The following CLEC2D variants were observed in gnomAD, a reference collection of about 807,000 sequenced individuals.
CLEC2D encodes C-type lectin domain family 2 member D.
A neutral mutation model predicts 20.0 loss-of-function variants in CLEC2D; 16 were observed. The observed-to-expected ratio is 0.80, with a 90% CI of 0.54 to 1.22. The LOEUF is 1.22. Among genes scored for constraint, CLEC2D ranks in the 50% most tolerant of loss-of-function variants. CLEC2D has a pLI of 0.00. For synonymous variants in CLEC2D, 77 were observed against 71.1 expected (o/e 1.08, Z -0.42); for missense variants, 207 against 221.5 (o/e 0.93, Z 0.42).
Position 9,695,913 on chromosome 12 carries a change from A to G in CLEC2D, c.*1039A>G. ...ATGATGACGAGGAAGCTGAAGAAAA[A>G]GCGCCAGTGAAGAAATCTATACGAG... On this transcript the variant is annotated 3_prime_UTR_variant, in exon 5 of 5. Coordinates refer to ENST00000290855, the MANE Select transcript of CLEC2D (RefSeq NM_013269.6). The G allele has an allele frequency of 8.2e-7, 1 of 1,217,778 alleles. No individual in the cohort carries two copies. The highest frequency in any genetic ancestry group is 1.5e-5 in the African/African-American group (1 of 67,430). 75.4% of individuals were successfully genotyped at this position (1,217,778 alleles called of 1,614,324 possible).
intron 1 of CLEC2D, among the ~76,000 whole-genome samples, chr12:9,672,645 C>T (rs984751422): frequency 3.3e-5 from 5 of 152,120 alleles, no homozygotes; most frequent in African/African-American, 1.2e-4. Context: ...GGATTATATC[C>T]TGAAGTGTGT....
chr12:9,684,573 G>A (rs1427913758), intron 2 of CLEC2D, among the ~76,000 whole-genome samples: 1 of 152,144 alleles, frequency 6.6e-6, no homozygotes, highest in African/African-American at 2.4e-5. Context: ...CTAGTCTATT[G>A]TGTGTTTTTA....
rs1184126302 is a variant in CLEC2D at position 9,695,886 on chromosome 12, TGATGATGAC to T, written c.*1015_*1023del. On this transcript the variant is annotated 3_prime_UTR_variant, in exon 5 of 5. Transcript: ENST00000290855. ...ATGATGATGATGAAGATGATGATGA[TGATGATGAC>T]GAGGAAGCTGAAGAAAAAGCGCCAG... 9.2e-7 allele frequency: 1 copy of T among 1,089,144 alleles called. No individual in the cohort carries two copies. Among genetic ancestry groups the T allele is most frequent in the African/African-American group, 1.5e-5 (1 of 64,870 alleles). The allele number at this position is 1,089,144 out of a possible 1,614,324, so 67.5% of individuals were successfully genotyped here. A position where few individuals can be genotyped will look rare whatever the true frequency, so the allele number is the denominator to read the frequency against.
At position 9,680,976 on chromosome 12, in the gene CLEC2D, T is replaced by C; in HGVS notation, c.115T>C (p.Phe39Leu). The change falls in exon 2 of 5, where the codon TTT (phenylalanine) becomes CTT (leucine). Residue 39 changes from phenylalanine to leucine, a missense_variant. Physicochemically the swap from Phe to Leu is conservative, Grantham distance 22 (BLOSUM62 0). Coordinates refer to ENST00000290855, the MANE Select transcript of CLEC2D (RefSeq NM_013269.6). ...TAAAGCTACCTTAATTTGGCGCTTA[T>C]TTTTCTTAATCATGTTTCTGACAAT... Reference protein sequence around the residue: ...SIKATLIWRLFFLIMFLTIIV... With the variant: ...SIKATLIWRLLFLIMFLTIIV... The C allele has an allele frequency of 6.2e-7, 1 of 1,606,862 alleles. No individual in the cohort carries two copies. The highest frequency in any genetic ancestry group is 8.5e-7 in the Non-Finnish European group (1 of 1,174,578).
At chr12:9,684,241 G>C (rs1053429942) in intron 2 of CLEC2D, among the ~76,000 whole-genome samples, 5 of 152,210 alleles carry the variant, frequency 3.3e-5, no homozygotes, top group African/African-American at 1.2e-4. Context: ...CTGAGAATTT[G>C]CTGAAGTTGC....
At chr12:9,680,686 C>T (rs890976686) in intron 1 of CLEC2D, among the ~76,000 whole-genome samples, 3 of 152,150 alleles carry the variant, frequency 2.0e-5, no homozygotes, top group Admixed American at 6.5e-5. Flanking sequence ...ACATGAATCT[C>T]TCCAATTGAA....
chr12:9,675,878 A>G (rs1865511869), intron 1 of CLEC2D, among the ~76,000 whole-genome samples: 1 of 152,184 alleles, frequency 6.6e-6, no homozygotes, highest in South Asian at 2.1e-4. Flanking sequence ...ATACCTAAGT[A>G]TTTTATTTTT....
chr12:9,680,604 A>G (rs766656449), intron 1 of CLEC2D, among the ~76,000 whole-genome samples: 1 of 152,288 alleles, frequency 6.6e-6, no homozygotes, highest in South Asian at 2.1e-4. Flanking sequence ...TTTAGACAGG[A>G]ATCAGAATAA....
intron 4 of CLEC2D, 55 bp from the exon 5 acceptor site, chr12:9,694,705 C>A: frequency 1.1e-6 from 1 of 909,380 alleles, no homozygotes; most frequent in Non-Finnish European, 1.9e-6. Flanking sequence ...TCTTCATTCT[C>A]TCTGCTGTTG....
intron 1 of CLEC2D, chr12:9,680,212 T>C (rs761778574): frequency 1.2e-5 from 4 of 340,874 alleles, no homozygotes; most frequent in Non-Finnish European, 2.5e-5. Flanking sequence ...CCTGCTGCCA[T>C]GTGAAGAAGA....
At chr12:9,681,623 C>G (rs1293248787) in intron 2 of CLEC2D, among the ~76,000 whole-genome samples, 1 of 152,018 alleles carries the variant, frequency 6.6e-6, no homozygotes, top group African/African-American at 2.4e-5. Flanking sequence ...ATAGACCAAG[C>G]GAAGACATAG....
chr12:9,669,740 T>G lies in CLEC2D; in HGVS notation c.6T>G (p.His2Gln). ...TCATAGAAACTGGAGGCAAAATGCA[T>G]GACAGTAACAATGTGGAGAAAGACA... is the stretch of plus-strand genomic sequence containing the variant. M[H>Q]DSNNVEKDIT... is the part of the protein sequence containing the mutation. Residue 2 changes from histidine (H) to glutamine (Q), a missense_variant, in exon 1 of 5, where the codon CAT becomes CAG. Coordinates refer to ENST00000290855, the MANE Select transcript of CLEC2D (RefSeq NM_013269.6). 6.2e-7 allele frequency: 1 copy of G among 1,613,456 alleles called. No homozygotes were observed. Among genetic ancestry groups the G allele is most frequent in the Non-Finnish European group, 8.5e-7 (1 of 1,179,462 alleles).
chr12:9,693,079 TTC>T, intron 4 of CLEC2D, 148 bp downstream of exon 4: 5 of 1,613,914 alleles, frequency 3.1e-6, no homozygotes, highest in Non-Finnish European at 4.2e-6. Context: ...TTGCAAAGGT[TTC>T]ACAAGTTCCT....
intron 3 of CLEC2D, among the ~76,000 whole-genome samples, chr12:9,690,391 A>G (rs2120967362): frequency 6.6e-6 from 1 of 152,238 alleles, no homozygotes; most frequent in Non-Finnish European, 1.5e-5. Context: ...AACTGAAAGT[A>G]CACTAGACAG....
In CLEC2D at chr12:9,695,044, T is replaced by C; in HGVS notation, c.*170T>C. The C allele has an allele frequency of 1.7e-6, 1 of 593,042 alleles. No individual in the cohort carries two copies. The highest frequency in any genetic ancestry group is 3.0e-6 in the Non-Finnish European group (1 of 332,536). 36.7% of individuals were successfully genotyped at this position (593,042 alleles called of 1,614,324 possible). A position where few individuals can be genotyped will look rare whatever the true frequency, so the allele number is the denominator to read the frequency against. On this transcript the variant is annotated 3_prime_UTR_variant, in exon 5 of 5. Coordinates refer to ENST00000290855, the MANE Select transcript of CLEC2D (RefSeq NM_013269.6). Reference sequence around the variant, plus strand: ...AAAATCATAGTAAAATATTACCTGTTTTCATGGTGCTAATATTACCTGTTC... The same window carrying C: ...AAAATCATAGTAAAATATTACCTGTCTTCATGGTGCTAATATTACCTGTTC...
At chr12:9,676,894 C>T (rs1319201895) in intron 1 of CLEC2D, among the ~76,000 whole-genome samples, 1 of 152,102 alleles carries the variant, frequency 6.6e-6, no homozygotes, top group African/African-American at 2.4e-5. Flanking sequence ...CAAATTATGT[C>T]TCTCAAGTGA....
chr12:9,688,899 T>C (rs1258478530), intron 3 of CLEC2D, among the ~76,000 whole-genome samples: 1 of 152,178 alleles, frequency 6.6e-6, no homozygotes, highest in Non-Finnish European at 1.5e-5. Context: ...AGGGAAGAGT[T>C]TGATAAAGAG....
rs1268856879 is a variant in CLEC2D at position 9,697,005 on chromosome 12, A to G, written c.*2131A>G. On this transcript the variant is annotated 3_prime_UTR_variant, in exon 5 of 5. Transcript: ENST00000290855. ...TGAATGGATAAAGAAATTGTCATAT[A>G]TATAAAACACACACATTATATACAT... 1 of 145,782 alleles carries G rather than the reference A, an allele frequency of 6.9e-6. No individual in the cohort carries two copies. The highest frequency in any genetic ancestry group is 2.0e-4 in the East Asian group (1 of 5,052). The allele number at this position is 145,782 out of a possible 1,614,324, so 9.0% of individuals were successfully genotyped here.
intron 2 of CLEC2D, among the ~76,000 whole-genome samples, chr12:9,683,209 G>C (rs966758321): frequency 1.3e-5 from 2 of 151,058 alleles, no homozygotes; most frequent in African/African-American, 2.4e-5. Context: ...TTTTATTCTT[G>C]TAAATTTTTT....
Sources: gnomAD v4.1 joint callset for allele counts (sites outside exome capture counted in the v4.1 genomes callset) on GRCh38, gnomAD v4.1.1 for gene constraint, MANE v1.5 for transcripts, NCBI Gene and HGNC (gene_info 2026-07-23, HGNC 2026-07-21) for gene names.